Variants in HPSE2 observed in about 807,000 individuals in gnomAD.
HPSE2 encodes inactive heparanase-2.
In HPSE2, 38 loss-of-function variants were observed where a neutral mutation model predicts 60.5. That is an observed-to-expected ratio of 0.63 (90% confidence interval 0.48 to 0.82). The LOEUF is 0.82. HPSE2 is among the 40% of genes least tolerant of loss of function. The pLI is 0.00. For missense variants in HPSE2, 713 were observed against 740.4 expected, an observed-to-expected ratio of 0.96 and a Z score of 0.43; for synonymous variants, 295 against 293.2, an observed-to-expected ratio of 1.01 and a Z score of -0.06.
chr10:99,076,212 A>G (rs150282854), intron 3 of HPSE2, among the ~76,000 whole-genome samples: 6 of 149,144 alleles, frequency 4.0e-5, no homozygotes, highest in South Asian at 4.2e-4. Context: ...TGTATCTTCT[A>G]TAGGTGTTTT....
At chr10:98,525,441 A>G (rs1236085310) in intron 9 of HPSE2, among the ~76,000 whole-genome samples, 1 of 152,260 alleles carries the variant, frequency 6.6e-6, no homozygotes, top group African/African-American at 2.4e-5. Context: ...ATAAAATGGA[A>G]TAGGAGTCTG....
chr10:98,638,116 G>T (rs375186408), intron 7 of HPSE2, among the ~76,000 whole-genome samples: 8 of 130,552 alleles, frequency 6.1e-5, no homozygotes, highest in African/African-American at 2.3e-4. Flanking sequence ...TCCAACCTGG[G>T]TGACAAAGTG....
intron 3 of HPSE2, among the ~76,000 whole-genome samples, chr10:98,747,766 T>C (rs967436065): frequency 2.0e-5 from 3 of 152,222 alleles, no homozygotes; most frequent in African/African-American, 7.2e-5. Flanking sequence ...TGACATAATA[T>C]TATCTTGGGA....
At chr10:99,074,198 T>C (rs1376020107) in intron 3 of HPSE2, among the ~76,000 whole-genome samples, 1 of 152,182 alleles carries the variant, frequency 6.6e-6, no homozygotes, top group African/African-American at 2.4e-5. Context: ...GGGCTTTTCA[T>C]ATATGGCCAT....
chr10:98,642,821 G>A (rs984181706), intron 6 of HPSE2, among the ~76,000 whole-genome samples: 1 of 152,146 alleles, frequency 6.6e-6, no homozygotes, highest in African/African-American at 2.4e-5. Context: ...CTAAATGCTT[G>A]TGATTCCTGG....
intron 3 of HPSE2, among the ~76,000 whole-genome samples, chr10:98,794,287 C>T (rs757797004): frequency 2.1e-4 from 31 of 150,190 alleles, no homozygotes; most frequent in Non-Finnish European, 3.7e-4. Context: ...GTCACCGAGG[C>T]TAGAATGCAG....
chr10:98,521,094 T>G (rs369455057), intron 9 of HPSE2, among the ~76,000 whole-genome samples: 1 of 152,092 alleles, frequency 6.6e-6, no homozygotes, highest in African/African-American at 2.4e-5. Flanking sequence ...GGACTTCATG[T>G]CTAAAACACC....
At chr10:98,775,959 C>T (rs1565154929) in intron 3 of HPSE2, among the ~76,000 whole-genome samples, 1 of 152,118 alleles carries the variant, frequency 6.6e-6, no homozygotes, top group Non-Finnish European at 1.5e-5. Flanking sequence ...CTAATCATAA[C>T]CAAAACAGGT....
intron 3 of HPSE2, among the ~76,000 whole-genome samples, chr10:98,886,860 G>C (rs1953180703): frequency 6.6e-6 from 1 of 152,100 alleles, no homozygotes; most frequent in African/African-American, 2.4e-5. Flanking sequence ...TATTAAACAG[G>C]AAGTGATAGG....
chr10:98,480,917 T>C (rs1941210817), intron 11 of HPSE2, among the ~76,000 whole-genome samples: 1 of 152,190 alleles, frequency 6.6e-6, no homozygotes, highest in African/African-American at 2.4e-5. Flanking sequence ...GATTACCTCA[T>C]TTACTTCGCT....
chr10:99,214,663 C>A (rs10883296), intron 2 of HPSE2, among the ~76,000 whole-genome samples: 74,992 of 151,702 alleles, frequency 0.49, 21,699 homozygotes, highest in Non-Finnish European at 0.64. Flanking sequence ...GGCAACCTAC[C>A]GTATGGGGGA....
rs546205316 is a variant in HPSE2 at position 98,487,382 on chromosome 10, G to A, written c.1466+2669C>T. ...AGGGGCTGCCATGACAGGCGGTGAGGTATCCACATAGGGGTTGCATGACTG... is the reference window on the plus strand; with the variant it reads ...AGGGGCTGCCATGACAGGCGGTGAGATATCCACATAGGGGTTGCATGACTG... On this transcript the variant is annotated intron_variant, in intron 10 of 11. Coordinates refer to ENST00000370552, the MANE Select transcript of HPSE2 (RefSeq NM_021828.5). 2.6e-4 allele frequency among the ~76,000 whole-genome samples: 39 copies of A among 152,312 alleles called. No individual in the cohort carries two copies. The East Asian group carries it at 5.6e-3, about 22-fold the overall frequency.
At chr10:98,884,476 C>T (rs553425991) in intron 3 of HPSE2, among the ~76,000 whole-genome samples, 7 of 152,138 alleles carry the variant, frequency 4.6e-5, no homozygotes, top group Admixed American at 2.0e-4. Flanking sequence ...CTGATTCTCT[C>T]GTTAGGGGCT....
At chr10:98,557,541 C>G (rs1338636879) in intron 9 of HPSE2, among the ~76,000 whole-genome samples, 1 of 152,178 alleles carries the variant, frequency 6.6e-6, no homozygotes, top group Non-Finnish European at 1.5e-5. Context: ...AGGAGAACAT[C>G]TTTGTGATAG....
Position 99,235,824 on chromosome 10 carries a change from T to C in HPSE2, c.-22A>G. ...TCATTCAATCCCTCTGATTTAAACC[T>C]CTCTTCCTACTGGGTCTCGCTAGTG... is the stretch of plus-strand genomic sequence containing the variant. On this transcript the variant is annotated 5_prime_UTR_variant, in exon 1 of 12. Coordinates refer to ENST00000370552, the MANE Select transcript of HPSE2 (RefSeq NM_021828.5). The C allele has an allele frequency of 6.2e-7, 1 of 1,607,076 alleles. No homozygotes were observed. The highest frequency in any genetic ancestry group is 8.5e-7 in the Non-Finnish European group (1 of 1,175,288).
chr10:98,816,164 A>C (rs1445648131), intron 3 of HPSE2, among the ~76,000 whole-genome samples: 2 of 152,104 alleles, frequency 1.3e-5, no homozygotes, highest in East Asian at 3.9e-4. Context: ...TGTACCCTAA[A>C]ACTTAAAGTA....
At chr10:99,105,474 G>A (rs888210240) in intron 3 of HPSE2, among the ~76,000 whole-genome samples, 1 of 147,618 alleles carries the variant, frequency 6.8e-6, no homozygotes, top group African/African-American at 2.5e-5. Context: ...TTTTTAATTG[G>A]GTTTTTTTTT....
intron 3 of HPSE2, among the ~76,000 whole-genome samples, chr10:99,105,129 T>C (rs975639345): frequency 1.3e-5 from 2 of 151,802 alleles, no homozygotes; most frequent in Non-Finnish European, 2.9e-5. Flanking sequence ...GTGAGGGGTA[T>C]CCAGCCTGTC....
chr10:98,611,333 G>T (rs568940189), intron 9 of HPSE2, among the ~76,000 whole-genome samples: 2 of 152,300 alleles, frequency 1.3e-5, no homozygotes, highest in East Asian at 3.9e-4. Flanking sequence ...GGTCCTGCCA[G>T]AGCTAGGCTA....
Sources: allele counts gnomAD v4.1 joint callset (sites outside exome capture counted in the v4.1 genomes callset), GRCh38; gene constraint gnomAD v4.1.1; transcripts MANE v1.5; gene names NCBI Gene and HGNC (gene_info 2026-07-23, HGNC 2026-07-21).